The following CACNA1D variants were observed in gnomAD, a reference collection of about 807,000 sequenced individuals.
CACNA1D encodes voltage-dependent L-type calcium channel subunit alpha-1D.
A neutral mutation model predicts 257.1 loss-of-function variants in CACNA1D; 55 were observed. The ratio of observed to expected loss-of-function variants is 0.21; its 90% CI spans 0.17 to 0.27. CACNA1D has a LOEUF of 0.27. Ranked by LOEUF, CACNA1D falls within the 10% of genes least tolerant of loss-of-function variation. The pLI, the probability that CACNA1D is intolerant of heterozygous loss-of-function variation, is 1.00. For missense variants in CACNA1D, 1,876 were observed against 2,784.0 expected, an observed-to-expected ratio of 0.67 and a Z score of 7.34; for synonymous variants, 980 against 1,014.9, an observed-to-expected ratio of 0.97 and a Z score of 0.65.
chr3:53,703,886 A>C (rs1289986730), intron 9 of CACNA1D, among the ~76,000 whole-genome samples: 2 of 152,172 alleles, frequency 1.3e-5, no homozygotes, highest in African/African-American at 4.8e-5. Flanking sequence ...CAGGGCACAC[A>C]TAGAGGGCAG....
At chr3:53,628,351 T>C (rs1036983994) in intron 3 of CACNA1D, among the ~76,000 whole-genome samples, 6 of 152,242 alleles carry the variant, frequency 3.9e-5, no homozygotes, top group African/African-American at 1.4e-4. Context: ...GCTCCCCATC[T>C]TCCAAACCTT....
intron 8 of CACNA1D, among the ~76,000 whole-genome samples, chr3:53,676,562 C>T (rs772725759): frequency 6.6e-6 from 1 of 152,132 alleles, no homozygotes; most frequent in African/African-American, 2.4e-5. Flanking sequence ...AAAGGCTGGT[C>T]GAGACCATGT....
chr3:53,718,637 G>T, intron 10 of CACNA1D: 1 of 1,350,860 alleles, frequency 7.4e-7, no homozygotes, highest in South Asian at 1.2e-5. Context: ...AGTAGAGCCC[G>T]TGAAGAATGT....
intron 28 of CACNA1D, among the ~76,000 whole-genome samples, chr3:53,753,131 G>T (rs532395113): frequency 1.8e-4 from 27 of 152,272 alleles, no homozygotes; most frequent in African/African-American, 6.5e-4. Context: ...GAATGAAAAG[G>T]ACTGTGTGCT....
At chr3:53,622,458 C>T (rs2093707209) in intron 3 of CACNA1D, among the ~76,000 whole-genome samples, 1 of 152,162 alleles carries the variant, frequency 6.6e-6, no homozygotes, top group Admixed American at 6.5e-5. Flanking sequence ...AGAACAAGAT[C>T]ATGCCCTTTG....
chr3:53,757,339 C>T (rs1308829462), intron 29 of CACNA1D, among the ~76,000 whole-genome samples: 1 of 152,164 alleles, frequency 6.6e-6, no homozygotes, highest in Non-Finnish European at 1.5e-5. Flanking sequence ...TGGGCTCCAT[C>T]CTGTCCTTTT....
At chr3:53,625,116 G>C (rs2093741852) in intron 3 of CACNA1D, among the ~76,000 whole-genome samples, 1 of 152,150 alleles carries the variant, frequency 6.6e-6, no homozygotes, top group Non-Finnish European at 1.5e-5. Flanking sequence ...GCAGAGCTCA[G>C]TACAGTAGGC....
intron 3 of CACNA1D, among the ~76,000 whole-genome samples, chr3:53,564,716 C>A (rs1020607644): frequency 1.3e-5 from 2 of 152,084 alleles, no homozygotes; most frequent in Admixed American, 6.6e-5. Context: ...ATCCATTAAT[C>A]CTTATAACAT....
Position 53,642,841 on chromosome 3 carries a change from T to C in CACNA1D, c.484-7938T>C, listed in dbSNP as rs2093975538. Among the ~76,000 whole-genome samples, 3 of 152,230 alleles carry C rather than the reference T, an allele frequency of 2.0e-5. No homozygotes were observed. In the South Asian group the frequency reaches 6.2e-4, roughly 32 times the overall value. ...TCAGGAGAAACCTCTTCAGAGAGTC[T>C]GCATCCACAGGGAGAAGTGTATTCA... is the stretch of plus-strand genomic sequence containing the variant. On this transcript the variant is annotated intron_variant, in intron 3 of 47. Transcript: ENST00000350061.
rs184409921 is a variant in CACNA1D, at chr3:53,748,614, G to A, written c.3315-654G>A. ...ACTCCTGGCTCTGCCCCCAAGGAGT[G>A]TGACTGTGGCACTTTGATACCTCCC... is the stretch of plus-strand genomic sequence containing the variant. On this transcript the variant is annotated intron_variant, in intron 26 of 47. Coordinates refer to ENST00000350061, the MANE Select transcript of CACNA1D (RefSeq NM_001128840.3). 9.2e-5 allele frequency among the ~76,000 whole-genome samples: 14 copies of A among 152,316 alleles called. No homozygotes were observed. In the South Asian group the frequency reaches 2.5e-3, roughly 27 times the overall value.
chr3:53,798,822 C>G (rs1275214472), intron 40 of CACNA1D, among the ~76,000 whole-genome samples: 2 of 152,180 alleles, frequency 1.3e-5, no homozygotes, highest in Non-Finnish European at 2.9e-5. Context: ...GGACCCAGCC[C>G]TGATGGATCT....
chr3:53,797,552 C>T (rs1023352533), intron 40 of CACNA1D, among the ~76,000 whole-genome samples: 1 of 152,200 alleles, frequency 6.6e-6, no homozygotes, highest in Admixed American at 6.5e-5. Context: ...CTTGGGCCAC[C>T]TTTCAACCTT....
At chr3:53,554,568 C>T (rs145180170) in intron 3 of CACNA1D, among the ~76,000 whole-genome samples, 9 of 152,294 alleles carry the variant, frequency 5.9e-5, no homozygotes, top group East Asian at 5.8e-4. Flanking sequence ...ACTTAGATTT[C>T]GTTACCGTTT....
chr3:53,513,439 C>T (rs1294090421), intron 3 of CACNA1D, among the ~76,000 whole-genome samples: 1 of 152,028 alleles, frequency 6.6e-6, no homozygotes, highest in African/African-American at 2.4e-5. Flanking sequence ...TTCAGGAGTT[C>T]GAGACCAGCT....
At chr3:53,724,082 G>T in intron 14 of CACNA1D, 83 bp downstream of exon 14, 1 of 1,100,264 alleles carries the variant, frequency 9.1e-7, no homozygotes, top group South Asian at 1.3e-5. Flanking sequence ...TCACACTCAG[G>T]AAGACAAAAG....
At chr3:53,514,380 G>A (rs1448746098) in intron 3 of CACNA1D, among the ~76,000 whole-genome samples, 2 of 151,902 alleles carry the variant, frequency 1.3e-5, no homozygotes, top group Non-Finnish European at 2.9e-5. Context: ...GAACCTTTTG[G>A]GGGCGTGGGG....
At chr3:53,799,695 G>C (rs979483319) in intron 40 of CACNA1D, among the ~76,000 whole-genome samples, 4 of 152,204 alleles carry the variant, frequency 2.6e-5, no homozygotes. Context: ...GTGTGCTGGT[G>C]GTTGCAGTGT....
intron 3 of CACNA1D, among the ~76,000 whole-genome samples, chr3:53,619,082 T>C (rs1455243441): frequency 2.6e-5 from 4 of 152,182 alleles, no homozygotes; most frequent in Non-Finnish European, 5.9e-5. Flanking sequence ...GAAACAACGC[T>C]GTAAAGTATT....
At chr3:53,756,283 A>C (rs2095264516) in intron 29 of CACNA1D, among the ~76,000 whole-genome samples, 1 of 152,146 alleles carries the variant, frequency 6.6e-6, no homozygotes, top group African/African-American at 2.4e-5. Context: ...GGGCCTCCTA[A>C]GAGAGTATAT....
Sources: gnomAD v4.1 joint callset for allele counts (sites outside exome capture counted in the v4.1 genomes callset) on GRCh38, gnomAD v4.1.1 for gene constraint, MANE v1.5 for transcripts, NCBI Gene and HGNC (gene_info 2026-07-23, HGNC 2026-07-21) for gene names.